Variants in CAMSAP2 observed in about 807,000 individuals in gnomAD.
CAMSAP2 encodes calmodulin-regulated spectrin-associated protein 2.
CAMSAP2 carries 26 observed loss-of-function variants against 146.1 expected under a neutral mutation model. That is an observed-to-expected ratio of 0.18 (90% confidence interval 0.13 to 0.25). The LOEUF (loss-of-function observed/expected upper bound fraction) is 0.25. Ranked by LOEUF, CAMSAP2 falls within the 10% of genes least tolerant of loss-of-function variation. The probability of loss-of-function intolerance (pLI) is 1.00; values close to 1 mark genes in which losing one functional copy is unlikely to be tolerated. For missense variants in CAMSAP2, 1,381 were observed against 1,759.3 expected (o/e 0.78, Z 3.85); for synonymous variants, 499 against 596.6 (o/e 0.84, Z 2.38).
chr1:200,852,530 T>C lies in CAMSAP2; in HGVS notation c.3466-11T>C. The C allele has an allele frequency of 6.3e-7, 1 of 1,598,392 alleles. No individual in the cohort carries two copies. Among genetic ancestry groups the C allele is most frequent in the East Asian group, 2.2e-5 (1 of 44,734 alleles). ...AAATGTTTGATCGTTTTCAATGAAATTCGTTCTTAGGATGATCAAAAAGCA... is the reference window on the plus strand; with the variant it reads ...AAATGTTTGATCGTTTTCAATGAAACTCGTTCTTAGGATGATCAAAAAGCA... On this transcript the variant is annotated splice_polypyrimidine_tract_variant and intron_variant, in intron 11 of 16. Transcript: ENST00000358823.
intron 3 of CAMSAP2, among the ~76,000 whole-genome samples, chr1:200,813,877 T>C (rs998481441): frequency 1.3e-5 from 2 of 151,860 alleles, no homozygotes; most frequent in Non-Finnish European, 2.9e-5. Context: ...GGCAGGTGGA[T>C]TGCTTGAGTC....
rs1024934071 is a variant in CAMSAP2, at chr1:200,859,970, G to A, written c.*1911G>A. On this transcript the variant is annotated 3_prime_UTR_variant, in exon 17 of 17. Transcript: ENST00000358823. The stretch of plus-strand genomic sequence containing the variant: ...AATTTCCCTCATCAAAGCAATCTTT[G>A]TGATATTACTTCGCTATTAAATAAA... The A allele has an allele frequency of 3.9e-4, 60 of 152,600 alleles. No individual in the cohort carries two copies. The highest frequency in any genetic ancestry group is 1.4e-3 in the African/African-American group (59 of 41,424). The allele number at this position is 152,600 out of a possible 1,614,324, so 9.5% of individuals were successfully genotyped here. A position where few individuals can be genotyped will look rare whatever the true frequency, so the allele number is the denominator to read the frequency against.
At chr1:200,833,397 C>T (rs1018800273) in intron 6 of CAMSAP2, among the ~76,000 whole-genome samples, 1 of 151,964 alleles carries the variant, frequency 6.6e-6, no homozygotes, top group Non-Finnish European at 1.5e-5. Flanking sequence ...CCCATCCCTA[C>T]AATAAATACA....
intron 2 of CAMSAP2, among the ~76,000 whole-genome samples, chr1:200,792,169 A>G (rs569367592): frequency 6.6e-6 from 1 of 152,290 alleles, no homozygotes; most frequent in East Asian, 1.9e-4. Flanking sequence ...TCCTAAAAAC[A>G]TTAATGAGAT....
intron 2 of CAMSAP2, among the ~76,000 whole-genome samples, chr1:200,803,295 C>G (rs1332409754): frequency 6.6e-6 from 1 of 152,164 alleles, no homozygotes; most frequent in Non-Finnish European, 1.5e-5. Flanking sequence ...AGTAATAGTG[C>G]TTACCCTCAC....
intron 4 of CAMSAP2, among the ~76,000 whole-genome samples, chr1:200,820,292 G>C (rs1478265397): frequency 6.6e-6 from 1 of 152,076 alleles, no homozygotes; most frequent in Admixed American, 6.6e-5. Context: ...CCCGACTTCA[G>C]GTGATCCCCC....
At position 200,848,172 on chromosome 1, in the gene CAMSAP2, T is replaced by C; in HGVS notation, c.1403T>C (p.Ile468Thr). 6.2e-7 allele frequency: 1 copy of C among 1,613,826 alleles called. No homozygotes were observed. ...AACAACAGTCATGTATCTAAACACA[T>C]TAGGAAAAATTTGTCCTTCAAGCCA... ...TLNNSHVSKH[I>T]RKNLSFKPIN... is the part of the protein sequence containing the mutation. Residue 468 changes from isoleucine (I) to threonine (T), a missense_variant, in exon 11 of 17, where the codon ATT becomes ACT. By Grantham distance (89) the Ile-to-Thr change is moderately conservative. Transcript: ENST00000358823.
intron 1 of CAMSAP2, among the ~76,000 whole-genome samples, chr1:200,747,223 G>T (rs146463458): frequency 1.3e-5 from 2 of 152,090 alleles, no homozygotes; most frequent in Non-Finnish European, 2.9e-5. Context: ...TTGAGGGAGC[G>T]TATGGAGAAA....
intron 1 of CAMSAP2, among the ~76,000 whole-genome samples, chr1:200,747,986 CA>C (rs901478330): frequency 0.01 from 688 of 68,784 alleles, 4 homozygotes; most frequent in African/African-American, 0.029. Context: ...GACTCCGTCT[CA>C]AAAAAAAAAA....
chr1:200,823,554 T>C (rs1666827507), intron 4 of CAMSAP2, among the ~76,000 whole-genome samples: 1 of 152,220 alleles, frequency 6.6e-6, no homozygotes, highest in Admixed American at 6.5e-5. Flanking sequence ...ATATTTCTCA[T>C]GGTTAGACTG....
chr1:200,848,905 T>C lies in CAMSAP2; in HGVS notation c.2136T>C (p.Thr712=), dbSNP rs149158002. 11 of 1,614,050 alleles carry C rather than the reference T, an allele frequency of 6.8e-6. No individual in the cohort carries two copies. In the African/African-American group the frequency reaches 1.2e-4, roughly 18 times the overall value. The part of the protein sequence containing the change: ...GKSSGSSSQK[T]TPEGSELNIP... ...GTAGTGGAAGCAGTTCTCAAAAAAC[T>C]ACACCAGAAGGCTCTGAACTTAATA... The change falls in exon 11 of 17, where the codon ACT becomes ACC. Residue 712 remains threonine (T), a synonymous_variant. Coordinates refer to ENST00000358823, the MANE Select transcript of CAMSAP2 (RefSeq NM_203459.4).
chr1:200,764,187 C>CTGAATATA (rs1162073313), intron 2 of CAMSAP2, among the ~76,000 whole-genome samples: 1 of 151,998 alleles, frequency 6.6e-6, no homozygotes, highest in Non-Finnish European at 1.5e-5. Flanking sequence ...TTTAATTGCA[C>CTGAATATA]TGAATATATT....
chr1:200,827,964 T>A (rs1357070335), intron 4 of CAMSAP2, among the ~76,000 whole-genome samples: 1 of 152,174 alleles, frequency 6.6e-6, no homozygotes, highest in Non-Finnish European at 1.5e-5. Context: ...ATATTCTCTT[T>A]GTGTGAGTAG....
chr1:200,750,901 C>CTTTTT (rs55953656), intron 1 of CAMSAP2, among the ~76,000 whole-genome samples: 1 of 91,610 alleles, frequency 1.1e-5, no homozygotes, highest in African/African-American at 4.0e-5. Context: ...CCGCGCCTGC[C>CTTTTT]TTTTTTTTTT....
chr1:200,787,450 A>C (rs1395336013), intron 2 of CAMSAP2, among the ~76,000 whole-genome samples: 1 of 152,200 alleles, frequency 6.6e-6, no homozygotes, highest in Non-Finnish European at 1.5e-5. Flanking sequence ...GAAGAGAACT[A>C]TAATTAGAAG....
intron 3 of CAMSAP2, 80 bp from the exon 4 acceptor site, chr1:200,815,481 T>A: frequency 1.5e-6 from 1 of 650,042 alleles, no homozygotes; most frequent in Non-Finnish European, 2.4e-6. Context: ...GGCATCTTAA[T>A]GTGTGTTATT....
intron 3 of CAMSAP2, among the ~76,000 whole-genome samples, chr1:200,809,460 G>A (rs752473515): frequency 2.6e-5 from 4 of 152,242 alleles, no homozygotes; most frequent in Non-Finnish European, 4.4e-5. Flanking sequence ...TACCTGAGCC[G>A]GGCTCAGTGG....
chr1:200,852,720 G>A, intron 12 of CAMSAP2, 43 bp downstream of exon 12: 1 of 1,580,954 alleles, frequency 6.3e-7, no homozygotes, highest in Non-Finnish European at 8.6e-7. Context: ...GAACTTTAAT[G>A]ATGCATGGGC....
At chr1:200,804,465 CCT>C (rs1666122159) in intron 2 of CAMSAP2, among the ~76,000 whole-genome samples, 1 of 151,788 alleles carries the variant, frequency 6.6e-6, no homozygotes, top group African/African-American at 2.4e-5. Context: ...GCGTTTTTAT[CCT>C]CTCTCATGTG....
Sources: gnomAD v4.1 joint callset for allele counts (sites outside exome capture counted in the v4.1 genomes callset) on GRCh38, gnomAD v4.1.1 for gene constraint, MANE v1.5 for transcripts, NCBI Gene and HGNC (gene_info 2026-07-23, HGNC 2026-07-21) for gene names.